DNAH3: variants seen among roughly 807,000 people sequenced by gnomAD.
DNAH3 encodes axonemal beta dynein heavy chain 3.
In DNAH3, 332 loss-of-function variants were observed where a neutral mutation model predicts 432.5. The ratio of observed to expected loss-of-function variants is 0.77; its 90% confidence interval spans 0.70 to 0.84. The LOEUF (loss-of-function observed/expected upper bound fraction) is 0.84, where lower values mean the gene tolerates loss of function less well. Among genes scored for constraint, DNAH3 ranks in the 40% least tolerant of loss-of-function variants. The pLI is 0.00. For synonymous variants in DNAH3, 1,956 were observed against 1,900.2 expected (o/e 1.03, Z -0.76); for missense variants, 4,861 against 5,114.0 (o/e 0.95, Z 1.51).
intron 41 of DNAH3, among the ~76,000 whole-genome samples, chr16:21,004,908 C>T (rs1393066567): frequency 6.6e-6 from 1 of 152,122 alleles, no homozygotes; most frequent in Non-Finnish European, 1.5e-5. Flanking sequence ...TTCTCTGGTT[C>T]CTTTTGTTGT....
intron 18 of DNAH3, among the ~76,000 whole-genome samples, chr16:21,091,937 C>CA (rs1464429732): frequency 5.9e-5 from 9 of 152,032 alleles, no homozygotes; most frequent in Non-Finnish European, 1.2e-4. Flanking sequence ...AGGAAAACTA[C>CA]AAAAAACTCT....
At chr16:21,041,967 C>A in intron 32 of DNAH3, 60 bp downstream of exon 32, 1 of 1,598,868 alleles carries the variant, frequency 6.3e-7, no homozygotes, top group Admixed American at 1.7e-5. Context: ...GCCGCCACAC[C>A]CGGCCCAGAG....
chr16:20,973,343 C>T (rs1194285235), intron 51 of DNAH3, among the ~76,000 whole-genome samples: 2 of 152,082 alleles, frequency 1.3e-5, no homozygotes, highest in Non-Finnish European at 2.9e-5. Flanking sequence ...ACCTCTACCT[C>T]TCGGGTTCAA....
exon 7 of DNAH3, chr16:21,134,414 G>C (rs747358533): frequency 6.2e-7 from 1 of 1,614,182 alleles, no homozygotes; most frequent in Non-Finnish European, 8.5e-7. Flanking sequence ...TCTCAATAAA[G>C]AGCCGTTTTC....
intron 10 of DNAH3, chr16:21,121,226 G>A (rs1434162870): frequency 1.1e-5 from 4 of 374,668 alleles, no homozygotes; most frequent in South Asian, 2.1e-5. Flanking sequence ...GTGAGGAAAA[G>A]ATGGAGCTAA....
At chr16:21,136,295 C>G in intron 6 of DNAH3, 29 bp downstream of exon 7, 1 of 1,608,150 alleles carries the variant, frequency 6.2e-7, no homozygotes, top group Non-Finnish European at 8.5e-7. Flanking sequence ...TAGAAGCTCC[C>G]CAGCCCCCTT....
At chr16:20,985,562 C>G (rs781145891) in exon 48 of DNAH3, 1 of 1,614,042 alleles carries the variant, frequency 6.2e-7, no homozygotes, top group Admixed American at 1.7e-5. Flanking sequence ...TTGAATTCTT[C>G]CAGATAGTGC....
intron 57 of DNAH3, among the ~76,000 whole-genome samples, chr16:20,946,427 G>A (rs2084046736): frequency 2.0e-5 from 3 of 152,164 alleles, no homozygotes; most frequent in South Asian, 4.1e-4. Flanking sequence ...TCCCTAAAAT[G>A]TATAAAATCA....
chr16:21,013,070 G>A (rs2087684566), intron 41 of DNAH3, among the ~76,000 whole-genome samples: 1 of 151,942 alleles, frequency 6.6e-6, no homozygotes, highest in South Asian at 2.1e-4. Context: ...CAGCCAAAAA[G>A]AAAGATCTAA....
At chr16:21,093,095 C>T (rs79100857) in intron 18 of DNAH3, among the ~76,000 whole-genome samples, 5,907 of 152,146 alleles carry the variant, frequency 0.039, 388 homozygotes, top group African/African-American at 0.13. Flanking sequence ...CCACTACACA[C>T]CTATTAAAAT....
chr16:21,004,879 C>T (rs1262340099), intron 41 of DNAH3, among the ~76,000 whole-genome samples: 2 of 152,146 alleles, frequency 1.3e-5, no homozygotes, highest in South Asian at 2.1e-4. Flanking sequence ...AGGTGATTAA[C>T]TCTTCCTTCC....
intron 49 of DNAH3, among the ~76,000 whole-genome samples, 192 bp downstream of exon 49, chr16:20,982,529 G>A (rs117729998): frequency 0.022 from 3,335 of 152,188 alleles, 54 homozygotes; most frequent in Non-Finnish European, 0.034. Flanking sequence ...GGACAATTCT[G>A]AACAATGAAA....
intron 40 of DNAH3, among the ~76,000 whole-genome samples, chr16:21,020,348 G>GTGTGTGTATATTTATATATATATATATA: frequency 1.4e-5 from 1 of 69,178 alleles, no homozygotes; most frequent in Non-Finnish European, 2.5e-5. Flanking sequence ...TATAGTGTGT[G>GTGTGTGTATATTTATATATATATATATA]TATATATATA....
chr16:20,956,579 A>C (rs192483077), intron 54 of DNAH3, among the ~76,000 whole-genome samples: 277 of 152,362 alleles, frequency 1.8e-3, no homozygotes, highest in Non-Finnish European at 3.0e-3. Flanking sequence ...AGTAGAACTT[A>C]AAATGTCAAC....
chr16:21,051,520 T>G (rs1442929466), intron 29 of DNAH3, 150 bp downstream of exon 29: 4 of 746,372 alleles, frequency 5.4e-6, no homozygotes, highest in Non-Finnish European at 8.8e-6. Context: ...AGACCTAGTT[T>G]GCATGCCCAT....
intron 27 of DNAH3, 77 bp downstream of exon 27, chr16:21,058,009 G>C: frequency 1.1e-6 from 1 of 899,266 alleles, no homozygotes. Flanking sequence ...ACAAAACATG[G>C]CTACTCTAAT....
intron 1 of DNAH3, among the ~76,000 whole-genome samples, chr16:21,152,639 G>C (rs939339257): frequency 1.1e-4 from 16 of 152,350 alleles, no homozygotes; most frequent in African/African-American, 3.1e-4. Context: ...CGGCGCTTGC[G>C]GGCCAGCTGG....
At chr16:21,060,658 G>A (rs1053227246) in intron 25 of DNAH3, among the ~76,000 whole-genome samples, 8 of 150,704 alleles carry the variant, frequency 5.3e-5, no homozygotes, top group Non-Finnish European at 1.2e-4. Flanking sequence ...CCGAGTAGCT[G>A]GGATTACAGG....
exon 33 of DNAH3, chr16:21,039,904 C>T (rs12927175): frequency 1.4e-5 from 22 of 1,613,488 alleles, no homozygotes; most frequent in South Asian, 5.5e-5. Flanking sequence ...CCAATGAGGG[C>T]GTAATCTGGG....
Sources: gnomAD v4.1 joint callset for allele counts (sites outside exome capture counted in the v4.1 genomes callset) on GRCh38, gnomAD v4.1.1 for gene constraint, MANE v1.5 for transcripts, NCBI Gene and HGNC (gene_info 2026-07-23, HGNC 2026-07-21) for gene names.